The following POLR3B variants were observed in gnomAD, a reference collection of about 807,000 sequenced individuals.
POLR3B encodes DNA-directed RNA polymerase III subunit RPC2.
POLR3B carries 96 observed loss-of-function variants against 147.4 expected under a neutral mutation model. The ratio of observed to expected loss-of-function variants is 0.65; its 90% CI spans 0.55 to 0.77. POLR3B has a LOEUF of 0.77. Among genes scored for constraint, POLR3B ranks in the 30% least tolerant of loss-of-function variants. POLR3B has a pLI of 0.00. For synonymous variants in POLR3B, 461 were observed against 485.9 expected (o/e 0.95, Z 0.67); for missense variants, 1,036 against 1,413.5 (o/e 0.73, Z 4.28).
At chr12:106,397,453 A>T (rs1475452379) in intron 10 of POLR3B, among the ~76,000 whole-genome samples, 1 of 151,916 alleles carries the variant, frequency 6.6e-6, no homozygotes, top group African/African-American at 2.4e-5. Context: ...CACTATTCTG[A>T]TTTTTGCACC....
chr12:106,446,608 A>G (rs2037728743), intron 19 of POLR3B, among the ~76,000 whole-genome samples: 2 of 152,058 alleles, frequency 1.3e-5, no homozygotes, highest in Non-Finnish European at 2.9e-5. Context: ...TGTCATTTGC[A>G]ATTCATTGTC....
intron 1 of POLR3B, chr12:106,358,167 T>G (rs531519010): frequency 1.4e-6 from 2 of 1,439,662 alleles, no homozygotes; most frequent in East Asian, 2.5e-5. Context: ...TGTCAGCCGC[T>G]GCGGGGGCCG....
At chr12:106,373,813 AT>A (rs2036641422) in intron 6 of POLR3B, among the ~76,000 whole-genome samples, 1 of 152,148 alleles carries the variant, frequency 6.6e-6, no homozygotes, top group Non-Finnish European at 1.5e-5. Flanking sequence ...TAAACTGCAT[AT>A]GGTTAGATTT....
rs2037452740 is a variant in POLR3B at position 106,427,287 on chromosome 12, G to A, written c.1192G>A (p.Ala398Thr). The stretch of plus-strand genomic sequence containing the variant: ...CCAGGTGATTCCTAAGCAAAGAGCA[G>A]CCCAGTTTGATGTTGTCAAACACAT... Reference protein sequence around the residue: ...ADQVIPKQRAAQFDVVKHMRQ... With the variant: ...ADQVIPKQRATQFDVVKHMRQ... The change falls in exon 13 of 28, where the codon GCC becomes ACC. Residue 398 changes from alanine to threonine, a missense_variant. Physicochemically the swap from Ala to Thr is moderately conservative, Grantham distance 58. This residue lies in a region of POLR3B where 89 missense variants were observed against 110.9 expected (regional missense o/e 0.80). Coordinates refer to ENST00000228347, the MANE Select transcript of POLR3B (RefSeq NM_018082.6). 2 of 1,612,694 alleles carry A rather than the reference G, an allele frequency of 1.2e-6. No individual in the cohort carries two copies. The highest frequency in any genetic ancestry group is 1.3e-5 in the African/African-American group (1 of 74,656).
intron 22 of POLR3B, among the ~76,000 whole-genome samples, chr12:106,461,149 C>T (rs1186327527): frequency 6.6e-6 from 1 of 151,942 alleles, no homozygotes; most frequent in Non-Finnish European, 1.5e-5. Flanking sequence ...GGCTAGAGTG[C>T]AATAGCACGA....
intron 10 of POLR3B, among the ~76,000 whole-genome samples, chr12:106,399,343 A>G (rs2037028438): frequency 6.6e-6 from 1 of 152,250 alleles, no homozygotes; most frequent in African/African-American, 2.4e-5. Flanking sequence ...GACCAAATGT[A>G]GGTCTGATTG....
At chr12:106,400,686 C>G (rs1446504813) in intron 10 of POLR3B, among the ~76,000 whole-genome samples, 2 of 152,326 alleles carry the variant, frequency 1.3e-5, no homozygotes, top group Non-Finnish European at 2.9e-5. Context: ...CAAAACCGCT[C>G]AACTACATGG....
chr12:106,369,750 C>A, intron 6 of POLR3B, 67 bp downstream of exon 6: 1 of 1,018,300 alleles, frequency 9.8e-7, no homozygotes, highest in Non-Finnish European at 1.6e-6. Flanking sequence ...GATCCCATTT[C>A]CTCATCTGAA....
In POLR3B at chr12:106,449,586, A is replaced by G. The variant is rs538568046; in HGVS notation, c.2084-4916A>G. Among the ~76,000 whole-genome samples, 3 of 152,354 alleles carry G rather than the reference A, an allele frequency of 2.0e-5. No homozygotes were observed. In the South Asian group the frequency reaches 6.2e-4, roughly 32 times the overall value. On this transcript the variant is annotated intron_variant, in intron 19 of 27. Coordinates refer to ENST00000228347, the MANE Select transcript of POLR3B (RefSeq NM_018082.6). Reference sequence around the variant, plus strand: ...TTACAATTCAAATAAGCTAGATAAAAGAAAATGTTATTAAGGAAATGATAA... The same window carrying G: ...TTACAATTCAAATAAGCTAGATAAAGGAAAATGTTATTAAGGAAATGATAA...
At chr12:106,379,123 A>AT (rs1483390846) in intron 8 of POLR3B, among the ~76,000 whole-genome samples, 2 of 152,218 alleles carry the variant, frequency 1.3e-5, no homozygotes, top group Non-Finnish European at 2.9e-5. Flanking sequence ...TAGGTATATT[A>AT]TTTGTCACCT....
At chr12:106,423,036 C>T (rs2037392024) in intron 12 of POLR3B, among the ~76,000 whole-genome samples, 1 of 151,796 alleles carries the variant, frequency 6.6e-6, no homozygotes, top group African/African-American at 2.4e-5. Flanking sequence ...AGATTTATTT[C>T]TAAGTTTTTA....
chr12:106,472,414 T>A lies in POLR3B; in HGVS notation c.2713+8794T>A, dbSNP rs941779374. Among the ~76,000 whole-genome samples, 69 of 149,408 alleles carry A rather than the reference T, an allele frequency of 4.6e-4. 1 individual carries two copies. The highest frequency in any genetic ancestry group is 1.6e-3 in the African/African-American group (66 of 40,810). ...GGCTGGGTCAAATGGTATTTCTAGT[T>A]CTAGATCCCTGAGGAATCGCCACAC... On this transcript the variant is annotated intron_variant, in intron 23 of 27. Transcript: ENST00000228347.
intron 22 of POLR3B, among the ~76,000 whole-genome samples, chr12:106,463,248 T>C (rs2037964047): frequency 6.6e-6 from 1 of 152,116 alleles, no homozygotes; most frequent in South Asian, 2.1e-4. Context: ...GTATGGACTG[T>C]TGTGAGGATT....
chr12:106,374,345 G>A (rs2036648810), intron 6 of POLR3B, among the ~76,000 whole-genome samples: 1 of 151,914 alleles, frequency 6.6e-6, no homozygotes. Flanking sequence ...AGCCTCCCTG[G>A]TAACTGGGAC....
intron 12 of POLR3B, among the ~76,000 whole-genome samples, chr12:106,421,709 A>AT (rs1424820109): frequency 4.0e-5 from 6 of 151,546 alleles, no homozygotes; most frequent in Non-Finnish European, 8.8e-5. Context: ...ATATATATAT[A>AT]TATTTTTTGA....
At chr12:106,460,008 A>C (rs1325607074) in intron 22 of POLR3B, among the ~76,000 whole-genome samples, 1 of 152,208 alleles carries the variant, frequency 6.6e-6, no homozygotes, top group Non-Finnish European at 1.5e-5. Flanking sequence ...GAGATATCTA[A>C]CCTAGCCAAG....
Position 106,430,300 on chromosome 12 carries a change from A to G in POLR3B, c.1291A>G (p.Met431Val). Residue 431 changes from methionine to valine, a missense_variant, in exon 14 of 28, where the codon ATG becomes GTG. Met to Val is a conservative substitution (Grantham distance 21). This residue lies in a region of POLR3B where 89 missense variants were observed against 110.9 expected (regional missense o/e 0.80). Coordinates refer to ENST00000228347, the MANE Select transcript of POLR3B (RefSeq NM_018082.6). ...AAATTGGTCTTTAAAGAGATTTAAA[A>G]TGGACCGCCAGGGTGTAACCCAAGT... ...TGNWSLKRFKMDRQGVTQVLS... is the reference protein window; with the variant it reads ...TGNWSLKRFKVDRQGVTQVLS... The G allele has an allele frequency of 6.2e-7, 1 of 1,614,038 alleles. No homozygotes were observed. Among genetic ancestry groups the G allele is most frequent in the Non-Finnish European group, 8.5e-7 (1 of 1,179,914 alleles).
chr12:106,395,450 A>G (rs1379321197), intron 10 of POLR3B, among the ~76,000 whole-genome samples: 1 of 151,992 alleles, frequency 6.6e-6, no homozygotes. Context: ...AAACAACCAG[A>G]TTGGGAAAAC....
At chr12:106,479,809 CT>C (rs2038240787) in intron 23 of POLR3B, among the ~76,000 whole-genome samples, 2 of 144,874 alleles carry the variant, frequency 1.4e-5, no homozygotes, top group Admixed American at 6.9e-5. Context: ...CTTTTCTTTT[CT>C]TTTCTTTTCT....
Sources: gnomAD v4.1 joint callset for allele counts (sites outside exome capture counted in the v4.1 genomes callset) on GRCh38, gnomAD v4.1.1 for gene constraint, gnomAD v4.1.1 regional missense constraint, MANE v1.5 for transcripts, NCBI Gene and HGNC (gene_info 2026-07-23, HGNC 2026-07-21) for gene names.